Variants in FUT9 observed in about 807,000 individuals in gnomAD.
FUT9 encodes the protein fucosyltransferase 9.
Under a neutral mutation model 29.7 loss-of-function variants are expected in FUT9, and 15 were observed. The ratio of observed to expected loss-of-function variants is 0.51; its 90% CI spans 0.34 to 0.78. The LOEUF (loss-of-function observed/expected upper bound fraction) is 0.78. FUT9 is among the 30% of genes least tolerant of loss of function. The pLI is 0.01. For missense variants in FUT9, 319 were observed against 425.4 expected (o/e 0.75, Z 2.20); for synonymous variants, 169 against 153.7 (o/e 1.10, Z -0.74).
chr6:96,123,024 C>T (rs1405786941), intron 2 of FUT9, among the ~76,000 whole-genome samples: 1 of 119,540 alleles, frequency 8.4e-6, no homozygotes, highest in Non-Finnish European at 1.6e-5. Context: ...CGCGCCAATC[C>T]GCTCCAGCCT....
intron 1 of FUT9, among the ~76,000 whole-genome samples, chr6:96,057,255 A>G (rs991530874): frequency 6.6e-6 from 1 of 152,228 alleles, no homozygotes; most frequent in Non-Finnish European, 1.5e-5. Context: ...ATGTTTTACT[A>G]TCAACCTTTT....
intron 2 of FUT9, among the ~76,000 whole-genome samples, chr6:96,179,932 T>C (rs1054415432): frequency 2.6e-5 from 4 of 152,066 alleles, no homozygotes; most frequent in Non-Finnish European, 4.4e-5. Flanking sequence ...ATGGAGCAAA[T>C]TGCCTTTTGC....
At chr6:96,053,856 G>C (rs1297363507) in intron 1 of FUT9, among the ~76,000 whole-genome samples, 1 of 152,096 alleles carries the variant, frequency 6.6e-6, no homozygotes, top group African/African-American at 2.4e-5. Flanking sequence ...AAACTAGTCA[G>C]ATAAATTGTA....
chr6:96,208,219 TTG>T lies in FUT9; in HGVS notation c.*3986_*3987del. 6.0e-6 allele frequency: 1 copy of T among 166,806 alleles called. No homozygotes were observed. The highest frequency in any genetic ancestry group is 1.5e-5 in the Non-Finnish European group (1 of 67,968). The allele number at this position is 166,806 out of a possible 1,614,324, so 10.3% of individuals were successfully genotyped here. A position where few individuals can be genotyped will look rare whatever the true frequency, so the allele number is the denominator to read the frequency against. On this transcript the variant is annotated 3_prime_UTR_variant, in exon 3 of 3. Transcript: ENST00000302103. ...GGAAACTATGCCTCTGATATTTTTT[TTG>T]TCAGCCTATTTTTAAACTAGATTCC...
intron 1 of FUT9, among the ~76,000 whole-genome samples, chr6:96,047,172 G>A (rs544615390): frequency 1.3e-5 from 2 of 152,184 alleles, no homozygotes; most frequent in Admixed American, 6.5e-5. Flanking sequence ...CAGTGTCACC[G>A]AATGGAAATG....
intron 1 of FUT9, among the ~76,000 whole-genome samples, chr6:96,055,521 T>C (rs1017276976): frequency 3.3e-5 from 5 of 152,068 alleles, no homozygotes; most frequent in East Asian, 1.9e-4. Flanking sequence ...AAAAATCTTC[T>C]CTTTTTTTCC....
chr6:96,078,710 G>T (rs566870421), intron 1 of FUT9, among the ~76,000 whole-genome samples: 1 of 151,920 alleles, frequency 6.6e-6, no homozygotes, highest in Admixed American at 6.6e-5. Context: ...CTGAGCCACC[G>T]CACCCGGCCC....
At position 96,212,400 on chromosome 6, in the gene FUT9, T is replaced by C. The variant is rs1773955262; in HGVS notation, c.*8165T>C. On this transcript the variant is annotated 3_prime_UTR_variant, in exon 3 of 3. Transcript: ENST00000302103. ...CTTAAGCAAATGAAGATTATCTGAT[T>C]GTCTATGTAAACCTGGAAGTAGTCT... 1 of 412,254 alleles carries C rather than the reference T, an allele frequency of 2.4e-6. No individual in the cohort carries two copies. Among genetic ancestry groups the C allele is most frequent in the African/African-American group, 2.1e-5 (1 of 48,586 alleles). 25.5% of individuals were successfully genotyped at this position (412,254 alleles called of 1,614,324 possible).
chr6:96,031,757 A>C (rs1770265907), intron 1 of FUT9, among the ~76,000 whole-genome samples: 1 of 151,614 alleles, frequency 6.6e-6, no homozygotes, highest in Non-Finnish European at 1.5e-5. Flanking sequence ...CCAAATTTAA[A>C]TACTTTACTT....
intron 2 of FUT9, among the ~76,000 whole-genome samples, chr6:96,183,141 T>C (rs1368062002): frequency 6.6e-6 from 1 of 152,122 alleles, no homozygotes; most frequent in African/African-American, 2.4e-5. Context: ...GTTTTCCTTG[T>C]AGAGGTATTT....
chr6:96,144,767 A>C (rs1408087233), intron 2 of FUT9, among the ~76,000 whole-genome samples: 3 of 152,230 alleles, frequency 2.0e-5, no homozygotes, highest in African/African-American at 7.2e-5. Context: ...AAGAATAGAT[A>C]TATTCTTAGT....
chr6:96,107,841 T>A (rs903259280), intron 1 of FUT9, among the ~76,000 whole-genome samples: 1 of 152,084 alleles, frequency 6.6e-6, no homozygotes, highest in Non-Finnish European at 1.5e-5. Context: ...TCACTTTAAC[T>A]ATAGAGTCAA....
intron 1 of FUT9, among the ~76,000 whole-genome samples, chr6:96,094,188 A>G (rs1294109507): frequency 6.6e-6 from 1 of 152,180 alleles, no homozygotes; most frequent in Non-Finnish European, 1.5e-5. Flanking sequence ...CCAGAAATAA[A>G]CAACTCACAG....
At chr6:96,043,208 C>T (rs866869356) in intron 1 of FUT9, among the ~76,000 whole-genome samples, 4 of 152,236 alleles carry the variant, frequency 2.6e-5, no homozygotes, top group African/African-American at 7.2e-5. Flanking sequence ...CCCACCACCA[C>T]GCCCGGCTAA....
intron 1 of FUT9, among the ~76,000 whole-genome samples, chr6:96,028,806 A>T (rs945621083): frequency 6.6e-5 from 10 of 151,630 alleles, no homozygotes; most frequent in African/African-American, 2.2e-4. Context: ...CGGAAGAGCT[A>T]ATTAGAATCA....
chr6:96,054,675 G>T (rs1040584066), intron 1 of FUT9, among the ~76,000 whole-genome samples: 3 of 152,106 alleles, frequency 2.0e-5, no homozygotes, highest in African/African-American at 7.2e-5. Context: ...TGGAAGTTTA[G>T]GCAGAAATAT....
chr6:96,087,378 T>C (rs905509886), intron 1 of FUT9, among the ~76,000 whole-genome samples: 94 of 148,990 alleles, frequency 6.3e-4, no homozygotes, highest in Non-Finnish European at 1.1e-3. Context: ...TTTTTTTTTT[T>C]TTTTTTTGAG....
At chr6:96,088,530 TTGTGTG>T (rs35995545) in intron 1 of FUT9, among the ~76,000 whole-genome samples, 3,984 of 148,786 alleles carry the variant, frequency 0.027, 70 homozygotes, top group East Asian at 0.04. Flanking sequence ...TTTGTTTGTT[TTGTGTG>T]TGTGTGTGTG....
chr6:96,018,606 C>T (rs977162521), intron 1 of FUT9, among the ~76,000 whole-genome samples: 4 of 151,884 alleles, frequency 2.6e-5, no homozygotes, highest in Admixed American at 1.3e-4. Context: ...TCTTATAATG[C>T]TCATAATTAT....
Sources: gnomAD v4.1 joint callset for allele counts (sites outside exome capture counted in the v4.1 genomes callset) on GRCh38, gnomAD v4.1.1 for gene constraint, MANE v1.5 for transcripts, NCBI Gene and HGNC (gene_info 2026-07-23, HGNC 2026-07-21) for gene names.